Variants in ANKRD28 observed in about 807,000 individuals in gnomAD.
ANKRD28 encodes the protein ankyrin repeat domain 28, also known as serine/threonine-protein phosphatase 6 regulatory ankyrin repeat subunit A.
Under a neutral mutation model 126.5 loss-of-function variants are expected in ANKRD28, and 44 were observed. The observed-to-expected ratio is 0.35, with a 90% confidence interval of 0.27 to 0.45. The LOEUF is 0.45. ANKRD28 is among the 20% of genes least tolerant of loss of function. ANKRD28 has a pLI of 1.00. For synonymous variants in ANKRD28, 442 were observed against 468.5 expected, an observed-to-expected ratio of 0.94 and a Z score of 0.73; for missense variants, 1,110 against 1,316.6, an observed-to-expected ratio of 0.84 and a Z score of 2.43.
At chr3:15,822,219 T>C (rs1365378496) in intron 1 of ANKRD28, among the ~76,000 whole-genome samples, 1 of 152,170 alleles carries the variant, frequency 6.6e-6, no homozygotes, top group African/African-American at 2.4e-5. Context: ...TGTAAGAAGC[T>C]TGGCTGAGCA....
Position 15,669,097 on chromosome 3 carries a change from A to G in ANKRD28, c.*1173T>C, listed in dbSNP as rs972080210. On this transcript the variant is annotated 3_prime_UTR_variant, in exon 28 of 28. Coordinates refer to ENST00000683139, the MANE Select transcript of ANKRD28 (RefSeq NM_001349278.2). ...CTCCAAATAGTAACAGGTTACAAAC[A>G]TGCTACTTTAAATATGAATAGGACC... The G allele has an allele frequency of 1.3e-5, 2 of 152,264 alleles. No homozygotes were observed. Among genetic ancestry groups the G allele is most frequent in the Admixed American group, 6.5e-5 (1 of 15,278 alleles). 9.4% of individuals were successfully genotyped at this position (152,264 alleles called of 1,614,324 possible).
chr3:15,771,311 G>A (rs1185820261), intron 2 of ANKRD28, among the ~76,000 whole-genome samples: 6 of 151,674 alleles, frequency 4.0e-5, no homozygotes, highest in African/African-American at 1.5e-4. Flanking sequence ...TTGGGAGGCT[G>A]AGGCAGCAGA....
Position 15,845,610 on chromosome 3 carries a change from T to A in ANKRD28, c.27+13767A>T, listed in dbSNP as rs140605433. 1.5e-3 allele frequency among the ~76,000 whole-genome samples: 230 copies of A among 152,368 alleles called. No homozygotes were observed. The highest frequency in any genetic ancestry group is 5.4e-3 in the African/African-American group (224 of 41,596). On this transcript the variant is annotated intron_variant, in intron 1 of 27. Transcript: ENST00000399451. This position sits in a 1 kb window ranked among gnomAD's most constrained non-coding sequence, Gnocchi z 4.9. ...TCAACTCCACTGCTCACTCTGATGCTGAAGTCTGCTTATACATCCTTTAAA... is the reference window on the plus strand; with the variant it reads ...TCAACTCCACTGCTCACTCTGATGCAGAAGTCTGCTTATACATCCTTTAAA...
chr3:15,683,019 A>G (rs1179941555), intron 21 of ANKRD28, among the ~76,000 whole-genome samples: 1 of 152,226 alleles, frequency 6.6e-6, no homozygotes, highest in Non-Finnish European at 1.5e-5. Flanking sequence ...TAGCAGTGAT[A>G]GAGTAGGAAC....
intron 1 of ANKRD28, among the ~76,000 whole-genome samples, chr3:15,841,806 G>A (rs2061428523): frequency 6.6e-6 from 1 of 152,038 alleles, no homozygotes; most frequent in Non-Finnish European, 1.5e-5. Context: ...GGAGAAAAGG[G>A]AACCCTTGTA....
intron 1 of ANKRD28, among the ~76,000 whole-genome samples, chr3:15,837,246 T>C (rs932398519): frequency 1.1e-4 from 16 of 151,262 alleles, no homozygotes; most frequent in African/African-American, 3.4e-4. Context: ...TAACAATAAA[T>C]AAACAAGAAA....
chr3:15,776,988 C>A (rs1159960499), intron 2 of ANKRD28, among the ~76,000 whole-genome samples: 2 of 152,044 alleles, frequency 1.3e-5, no homozygotes, highest in African/African-American at 4.8e-5. Context: ...GAAAAAAAGT[C>A]ACCTGGGCCA....
At chr3:15,832,486 A>G (rs73042072) in intron 1 of ANKRD28, among the ~76,000 whole-genome samples, 5,762 of 152,290 alleles carry the variant, frequency 0.038, 169 homozygotes, top group Non-Finnish European at 0.053. Context: ...TTAAAAATAA[A>G]TTTAGGGGAT....
chr3:15,703,809 A>G (rs2070965868), intron 14 of ANKRD28, among the ~76,000 whole-genome samples: 1 of 152,244 alleles, frequency 6.6e-6, no homozygotes, highest in African/African-American at 2.4e-5. Flanking sequence ...CGGGCTAGAG[A>G]TAACAACCCA....
At chr3:15,683,156 CTG>C (rs1222587600) in intron 21 of ANKRD28, among the ~76,000 whole-genome samples, 4 of 152,176 alleles carry the variant, frequency 2.6e-5, no homozygotes, top group Non-Finnish European at 5.9e-5. Flanking sequence ...AAATATCTCA[CTG>C]TGTGATTTTT....
chr3:15,777,282 A>G (rs1196717454), intron 2 of ANKRD28, among the ~76,000 whole-genome samples: 1 of 151,736 alleles, frequency 6.6e-6, no homozygotes, highest in Non-Finnish European at 1.5e-5. Flanking sequence ...AAAAAAAAAA[A>G]AAAAAAGAAA....
At chr3:15,791,015 A>C (rs923121117) in intron 2 of ANKRD28, among the ~76,000 whole-genome samples, 1 of 152,158 alleles carries the variant, frequency 6.6e-6, no homozygotes, top group Admixed American at 6.6e-5. Flanking sequence ...GAAACTAAAA[A>C]GTAATCCTGT....
chr3:15,760,736 A>G (rs980660041), intron 3 of ANKRD28, among the ~76,000 whole-genome samples: 2 of 152,228 alleles, frequency 1.3e-5, no homozygotes, highest in Non-Finnish European at 2.9e-5. Context: ...AAAAAAGGAA[A>G]ACTATTAAAG....
chr3:15,811,759 A>T (rs1388616028), intron 1 of ANKRD28, among the ~76,000 whole-genome samples: 2 of 151,892 alleles, frequency 1.3e-5, no homozygotes, highest in Non-Finnish European at 2.9e-5. Context: ...GGCCAGGGAC[A>T]ATTTTTTTAA....
At chr3:15,742,382 C>A (rs1021178121) in intron 4 of ANKRD28, among the ~76,000 whole-genome samples, 3 of 148,766 alleles carry the variant, frequency 2.0e-5, no homozygotes, top group African/African-American at 7.5e-5. Context: ...AGCGCCTCTG[C>A]CCCGCCGCCC....
chr3:15,690,747 T>A (rs1046263722), intron 17 of ANKRD28, among the ~76,000 whole-genome samples: 4 of 152,104 alleles, frequency 2.6e-5, no homozygotes, highest in Non-Finnish European at 5.9e-5. Flanking sequence ...CTTTTAATTT[T>A]TGTAGTGATG....
intron 18 of ANKRD28, 77 bp downstream of exon 18, chr3:15,689,942 G>T: frequency 2.3e-6 from 3 of 1,299,168 alleles, no homozygotes; most frequent in Non-Finnish European, 2.1e-6. Context: ...CAATTAACTG[G>T]AAATATTATA....
At chr3:15,773,310 A>T (rs2059106948) in intron 2 of ANKRD28, among the ~76,000 whole-genome samples, 1 of 152,196 alleles carries the variant, frequency 6.6e-6, no homozygotes, top group Non-Finnish European at 1.5e-5. Context: ...ATAAATGCTT[A>T]AGCATAAATC....
At chr3:15,832,652 G>A (rs2061230905) in intron 1 of ANKRD28, among the ~76,000 whole-genome samples, 1 of 152,064 alleles carries the variant, frequency 6.6e-6, no homozygotes. Context: ...TTATCCCCTT[G>A]GTATGTCCCA....
Sources: allele counts gnomAD v4.1 joint callset (sites outside exome capture counted in the v4.1 genomes callset), GRCh38; gene constraint gnomAD v4.1.1; non-coding constraint Gnocchi (gnomAD v3.1); transcripts MANE v1.5; gene names NCBI Gene and HGNC (gene_info 2026-07-23, HGNC 2026-07-21).